The following TANGO2 variants were observed in gnomAD, a reference collection of about 807,000 sequenced individuals.
TANGO2 encodes transport and Golgi organization protein 2 homolog.
TANGO2 carries 26 observed loss-of-function variants against 39.1 expected under a neutral mutation model. That is an observed-to-expected ratio of 0.67 (90% CI 0.49 to 0.92). The LOEUF (loss-of-function observed/expected upper bound fraction) is 0.92. Among genes scored for constraint, TANGO2 ranks in the 40% least tolerant of loss-of-function variants. The pLI is 0.00. For missense variants in TANGO2, 326 were observed against 360.1 expected (o/e 0.91, Z 0.77); for synonymous variants, 131 against 144.5 (o/e 0.91, Z 0.67).
At chr22:20,019,491 G>A (rs1256785343), upstream of TANGO2, among the ~76,000 whole-genome samples, 20 of 152,206 alleles carry the variant, frequency 1.3e-4, no homozygotes, top group Admixed American at 1.3e-3. Flanking sequence ...TGTCTGCTCT[G>A]GCTCTGTCTA....
chr22:20,052,659 A>G, intron 4 of TANGO2, 75 bp downstream of exon 4: 2 of 1,508,542 alleles, frequency 1.3e-6, no homozygotes, highest in South Asian at 2.5e-5. Flanking sequence ...GGTGGGGCCA[A>G]GGGACTACAG....
chr22:20,035,495 C>T lies in TANGO2; in HGVS notation c.-39-1265C>T, dbSNP rs140673694. 4.0e-3 allele frequency among the ~76,000 whole-genome samples: 603 copies of T among 152,350 alleles called. 5 individuals carry two copies. Among genetic ancestry groups the T allele is most frequent in the African/African-American group, 0.013 (554 of 41,576 alleles). On this transcript the variant is annotated intron_variant, in intron 1 of 8. Coordinates refer to ENST00000327374, the MANE Select transcript of TANGO2 (RefSeq NM_152906.7). ...CTTGGGTGTCACCCTTGGGTGGCCT[C>T]GGAATCTAATCTCCGTTCTGCACTC...
chr22:20,029,607 G>A (rs2041455322), intron 1 of TANGO2, among the ~76,000 whole-genome samples: 1 of 152,170 alleles, frequency 6.6e-6, no homozygotes, highest in African/African-American at 2.4e-5. Flanking sequence ...GGTGTTGAGG[G>A]ACTCCAGGAG....
chr22:20,053,925 T>A, intron 5 of TANGO2: 1 of 357,438 alleles, frequency 2.8e-6, no homozygotes. Flanking sequence ...GGGAAGCTCC[T>A]GTTGGAGATG....
intron 1 of TANGO2, among the ~76,000 whole-genome samples, chr22:20,036,398 TG>T (rs2042857272): frequency 6.6e-6 from 1 of 152,176 alleles, no homozygotes; most frequent in African/African-American, 2.4e-5. Context: ...TAGATTTGGA[TG>T]GGTAAGTTTG....
chr22:20,017,885 C>G (rs925388845), upstream of TANGO2, among the ~76,000 whole-genome samples: 6 of 152,190 alleles, frequency 3.9e-5, no homozygotes, highest in African/African-American at 1.4e-4. Flanking sequence ...GTGACCCTGG[C>G]TCACGCATGC....
At chr22:20,060,306 G>A (rs370186857) in intron 6 of TANGO2, among the ~76,000 whole-genome samples, 31 of 132,204 alleles carry the variant, frequency 2.3e-4, no homozygotes, top group Admixed American at 9.9e-4. Flanking sequence ...CCGAGATTGC[G>A]CCACCGCACT....
At chr22:20,038,916 G>C (rs1328725764) in intron 2 of TANGO2, among the ~76,000 whole-genome samples, 1 of 85,752 alleles carries the variant, frequency 1.2e-5, no homozygotes, top group South Asian at 5.7e-4. Flanking sequence ...GGGTGCTTTA[G>C]GCCACTATGT....
intron 5 of TANGO2, chr22:20,055,072 G>A (rs1174294117): frequency 6.6e-6 from 1 of 152,266 alleles, no homozygotes; most frequent in Non-Finnish European, 1.5e-5. Context: ...ACTTCGGGGA[G>A]GAAGGCACCA....
chr22:20,063,135 G>A (rs942362040), intron 7 of TANGO2: 34 of 552,984 alleles, frequency 6.1e-5, no homozygotes, highest in Middle Eastern at 4.8e-4. Flanking sequence ...TAGTCTGGGC[G>A]ACAAGAGTGA....
chr22:20,043,470 G>A, intron 3 of TANGO2, 27 bp downstream of exon 3: 1 of 1,531,540 alleles, frequency 6.5e-7, no homozygotes, highest in South Asian at 1.1e-5. Context: ...GCTCAGCGGT[G>A]GCTGCGCCTT....
At chr22:20,027,860 A>G (rs2041078939) in intron 1 of TANGO2, among the ~76,000 whole-genome samples, 1 of 151,986 alleles carries the variant, frequency 6.6e-6, no homozygotes, top group Non-Finnish European at 1.5e-5. Context: ...GTGAAGTGGC[A>G]CAATCTCGGT....
At chr22:20,042,642 G>A (rs1434490892) in intron 2 of TANGO2, among the ~76,000 whole-genome samples, 6 of 152,108 alleles carry the variant, frequency 3.9e-5, no homozygotes, top group Admixed American at 3.3e-4. Context: ...GCGGGTGCCT[G>A]TAATCCCAGC....
At chr22:20,050,357 G>GTTTTTTTTTTTTTTTTTT (rs1491540119) in intron 3 of TANGO2, among the ~76,000 whole-genome samples, 1 of 69,204 alleles carries the variant, frequency 1.4e-5, no homozygotes, top group African/African-American at 5.4e-5. Context: ...TTTTCCTGGT[G>GTTTTTTTTTTTTTTTTTT]GTTTTTTTTT....
chr22:20,038,380 C>G (rs1425884281), intron 2 of TANGO2, among the ~76,000 whole-genome samples: 1 of 152,204 alleles, frequency 6.6e-6, no homozygotes, highest in Non-Finnish European at 1.5e-5. Flanking sequence ...GCTCTGTATG[C>G]GTTTCAGGGC....
intron 1 of TANGO2, among the ~76,000 whole-genome samples, chr22:20,028,198 ATCT>A (rs1163008530): frequency 3.9e-5 from 6 of 152,136 alleles, no homozygotes; most frequent in South Asian, 2.1e-4. Flanking sequence ...TGCAGCCTTG[ATCT>A]TCTAGGCTCA....
chr22:20,030,867 GC>G (rs2041717491), intron 1 of TANGO2, among the ~76,000 whole-genome samples: 1 of 152,182 alleles, frequency 6.6e-6, no homozygotes. Context: ...TTTGAGAATA[GC>G]CTGGGCAACA....
chr22:20,063,964 T>G (rs1181761658), intron 8 of TANGO2, among the ~76,000 whole-genome samples: 3 of 152,250 alleles, frequency 2.0e-5, no homozygotes, highest in East Asian at 3.8e-4. Context: ...GTGTCTGCCC[T>G]GGGAACCAGC....
chr22:20,052,483 G>T lies in TANGO2; in HGVS notation c.164G>T (p.Gly55Val). 1.2e-6 allele frequency: 2 copies of T among 1,605,374 alleles called. No homozygotes were observed. Among genetic ancestry groups the T allele is most frequent in the South Asian group, 1.1e-5 (1 of 89,104 alleles). The change falls in exon 4 of 9, where the codon GGC (glycine) becomes GTC (valine). Residue 55 changes from glycine to valine, a missense_variant. Transcript: ENST00000327374. ...EILSGLDMEE[G>V]KEGGTWLGIS... ...GCCACAGGGCTGGACATGGAGGAAG[G>T]CAAGGAAGGAGGCACATGGCTGGGC... is the stretch of plus-strand genomic sequence containing the variant.
Sources: allele counts gnomAD v4.1 joint callset (sites outside exome capture counted in the v4.1 genomes callset), GRCh38; gene constraint gnomAD v4.1.1; transcripts MANE v1.5; gene names NCBI Gene and HGNC (gene_info 2026-07-23, HGNC 2026-07-21).